The following SHISA9 variants were observed in gnomAD, a reference collection of about 807,000 sequenced individuals.
SHISA9 encodes protein shisa-9.
Under a neutral mutation model 38.0 loss-of-function variants are expected in SHISA9, and 13 were observed. That is an observed-to-expected ratio of 0.34 (90% CI 0.22 to 0.54). SHISA9 has a LOEUF of 0.54. SHISA9 is among the 20% of genes least tolerant of loss of function. The pLI, the probability that SHISA9 is intolerant of heterozygous loss-of-function variation, is 0.91. For synonymous variants in SHISA9, 275 were observed against 242.0 expected (o/e 1.14, Z -1.27); for missense variants, 538 against 575.8 (o/e 0.93, Z 0.67).
chr16:13,401,018 T>C, the SHISA9 span, among the ~76,000 whole-genome samples: 1 of 152,104 alleles, frequency 6.6e-6, no homozygotes, highest in Non-Finnish European at 1.5e-5. Context: ...TCCTGGGCCC[T>C]TAGGGAGTGT....
chr16:13,396,713 G>C, the SHISA9 span, among the ~76,000 whole-genome samples: 4 of 152,158 alleles, frequency 2.6e-5, no homozygotes, highest in African/African-American at 9.7e-5. Flanking sequence ...TGGGATGCTT[G>C]TTTGAAAGGC....
chr16:13,048,506 C>G (rs1199512503), intron 2 of SHISA9, among the ~76,000 whole-genome samples: 1 of 152,170 alleles, frequency 6.6e-6, no homozygotes, highest in African/African-American at 2.4e-5. Flanking sequence ...ACTGCAACCT[C>G]CACCTCCCAG....
chr16:13,406,627 C>T, the SHISA9 span, among the ~76,000 whole-genome samples: 46 of 152,276 alleles, frequency 3.0e-4, no homozygotes, highest in African/African-American at 6.7e-4. Context: ...CACGACCCTG[C>T]GGGTTGGGAA....
the SHISA9 span, among the ~76,000 whole-genome samples, chr16:13,479,564 C>A: frequency 8.5e-5 from 13 of 152,204 alleles, no homozygotes; most frequent in East Asian, 1.7e-3. Context: ...TAGAACCCTC[C>A]ATTTCATCAT....
At chr16:13,444,523 T>C in the SHISA9 span, among the ~76,000 whole-genome samples, 1 of 152,172 alleles carries the variant, frequency 6.6e-6, no homozygotes, top group African/African-American at 2.4e-5. Flanking sequence ...TTTTCATTTT[T>C]CCAGCACGTT....
At chr16:13,426,434 G>A in the SHISA9 span, among the ~76,000 whole-genome samples, 5 of 152,214 alleles carry the variant, frequency 3.3e-5, no homozygotes, top group South Asian at 6.2e-4. Context: ...ACCAAAGAGC[G>A]TCTGCATCTG....
the SHISA9 span, among the ~76,000 whole-genome samples, chr16:13,292,533 T>G: frequency 6.6e-6 from 1 of 152,164 alleles, no homozygotes; most frequent in East Asian, 1.9e-4. Flanking sequence ...TTCTTAAATA[T>G]CCAGTGTGTA....
Position 13,228,717 on chromosome 16 carries a change from T to G in SHISA9, c.896-6313T>G, listed in dbSNP as rs2051302871. Among the ~76,000 whole-genome samples, 2 of 152,210 alleles carry G rather than the reference T, an allele frequency of 1.3e-5. 1 individual carries two copies. The highest frequency in any genetic ancestry group is 2.9e-5 in the Non-Finnish European group (2 of 68,046). ...TTGCTCATATATTTTTTTTAATTTT[T>G]AAGTTCAGGAGTACAAGTGCAGGTT... On this transcript the variant is annotated intron_variant, in intron 4 of 4. Coordinates refer to ENST00000558583, the MANE Select transcript of SHISA9 (RefSeq NM_001145204.3).
chr16:13,051,619 G>C (rs1186910820), intron 2 of SHISA9, among the ~76,000 whole-genome samples: 1 of 151,994 alleles, frequency 6.6e-6, no homozygotes, highest in Non-Finnish European at 1.5e-5. Flanking sequence ...TGCTAGGTAG[G>C]GCAAGATAGT....
intron 4 of SHISA9, among the ~76,000 whole-genome samples, chr16:13,231,285 T>A (rs912801890): frequency 6.6e-6 from 1 of 152,214 alleles, no homozygotes; most frequent in Admixed American, 6.5e-5. Context: ...GTTGCTGGGT[T>A]CAGGCATGGC....
intron 2 of SHISA9, among the ~76,000 whole-genome samples, chr16:13,010,074 A>T (rs2072651859): frequency 6.6e-6 from 1 of 152,138 alleles, no homozygotes; most frequent in Admixed American, 6.6e-5. Flanking sequence ...GCTACTCGGG[A>T]GGCTGAGGCA....
intron 2 of SHISA9, among the ~76,000 whole-genome samples, chr16:13,107,467 C>A (rs1461805686): frequency 3.8e-5 from 4 of 105,868 alleles, no homozygotes; most frequent in Non-Finnish European, 5.5e-5. Context: ...AACAAAAAAA[C>A]AACAGACACA....
At chr16:13,529,942 G>A in the SHISA9 span, among the ~76,000 whole-genome samples, 3 of 152,218 alleles carry the variant, frequency 2.0e-5, no homozygotes, top group African/African-American at 4.8e-5. Flanking sequence ...TGCAGCCAAT[G>A]AGACAAGAGC....
the SHISA9 span, among the ~76,000 whole-genome samples, chr16:13,342,531 C>A: frequency 6.6e-6 from 1 of 152,156 alleles, no homozygotes; most frequent in South Asian, 2.1e-4. Context: ...AATAATCCAC[C>A]CCTCTCGGCC....
chr16:13,457,714 C>T, the SHISA9 span, among the ~76,000 whole-genome samples: 1 of 151,872 alleles, frequency 6.6e-6, no homozygotes, highest in African/African-American at 2.4e-5. Flanking sequence ...TACTCAGCCA[C>T]CAACAAACAC....
At chr16:13,224,121 G>A (rs1387296433) in intron 4 of SHISA9, among the ~76,000 whole-genome samples, 1 of 152,220 alleles carries the variant, frequency 6.6e-6, no homozygotes, top group Non-Finnish European at 1.5e-5. Context: ...GAAGGCAGTA[G>A]CATAGAACAC....
the SHISA9 span, among the ~76,000 whole-genome samples, chr16:13,385,355 C>G: frequency 6.6e-6 from 1 of 152,194 alleles, no homozygotes; most frequent in Non-Finnish European, 1.5e-5. Context: ...ATGCTTATAG[C>G]AGCTTTATTC....
the SHISA9 span, among the ~76,000 whole-genome samples, chr16:13,552,334 G>T: frequency 0.097 from 14,711 of 151,994 alleles, 805 homozygotes; most frequent in Middle Eastern, 0.16. Context: ...TTCCATTTGT[G>T]CTTTCTTTTG....
rs1355387896 is a variant in SHISA9, at chr16:12,902,470, G to T, written c.406G>T (p.Ala136Ser). The T allele has an allele frequency of 1.3e-6, 2 of 1,551,448 alleles. No homozygotes were observed. Among genetic ancestry groups the T allele is most frequent in the Non-Finnish European group, 8.7e-7 (1 of 1,146,990 alleles). The change falls in exon 1 of 5, where the codon GCC becomes TCC. Residue 136 changes from alanine to serine, a missense_variant. By Grantham distance (99) the Ala-to-Ser change is moderately conservative. Coordinates refer to ENST00000558583, the MANE Select transcript of SHISA9 (RefSeq NM_001145204.3). The stretch of plus-strand genomic sequence containing the variant: ...CTGGCTCAACACCGGCAAGCCCCCC[G>T]CCCGCAAGGACGACCCCTTGCACGA... ...PLWLNTGKPP[A>S]RKDDPLHDPT...
Sources: allele counts gnomAD v4.1 joint callset (sites outside exome capture counted in the v4.1 genomes callset), GRCh38; gene constraint gnomAD v4.1.1; transcripts MANE v1.5; gene names NCBI Gene and HGNC (gene_info 2026-07-23, HGNC 2026-07-21).